Variants in SND1 observed in about 807,000 individuals in gnomAD.
SND1 encodes the protein staphylococcal nuclease domain-containing protein 1.
SND1 carries 38 observed loss-of-function variants against 121.7 expected under a neutral mutation model. The ratio of observed to expected loss-of-function variants is 0.31; its 90% CI spans 0.24 to 0.41. The LOEUF (loss-of-function observed/expected upper bound fraction) is 0.41, where lower values mean the gene tolerates loss of function less well. SND1 is among the 10% of genes least tolerant of loss of function. SND1 has a pLI of 1.00. For synonymous variants in SND1, 401 were observed against 447.4 expected, an observed-to-expected ratio of 0.90 and a Z score of 1.31; for missense variants, 868 against 1,184.6, an observed-to-expected ratio of 0.73 and a Z score of 3.92.
intron 16 of SND1, among the ~76,000 whole-genome samples, chr7:128,053,762 G>A (rs895896528): frequency 6.6e-6 from 1 of 152,032 alleles, no homozygotes; most frequent in African/African-American, 2.4e-5. Context: ...TCCTCAAAGG[G>A]CCTTTCAGAC....
chr7:127,981,991 A>G (rs1239993247), intron 15 of SND1, among the ~76,000 whole-genome samples: 1 of 152,210 alleles, frequency 6.6e-6, no homozygotes, highest in African/African-American at 2.4e-5. Flanking sequence ...GCATTCATGT[A>G]GCAAACTGAA....
At chr7:127,914,205 C>T (rs1800519453) in intron 14 of SND1, among the ~76,000 whole-genome samples, 1 of 152,232 alleles carries the variant, frequency 6.6e-6, no homozygotes, top group South Asian at 2.1e-4. Context: ...CCAGATACTT[C>T]ACCCGCAGTA....
In SND1 at chr7:127,783,056, T is replaced by C. The variant is rs182464457; in HGVS notation, c.1153-24428T>C. Among the ~76,000 whole-genome samples the C allele has an allele frequency of 2.7e-4, 41 of 152,316 alleles. 2 individuals carry two copies. Among genetic ancestry groups the C allele is most frequent in the African/African-American group, 9.6e-4 (40 of 41,574 alleles). ...ATGGTAAGATTCTGCACATTGGAAA[T>C]TGGGGACAGATATCAATTCTGGATA... On this transcript the variant is annotated intron_variant, in intron 10 of 23. Coordinates refer to ENST00000354725, the MANE Select transcript of SND1 (RefSeq NM_014390.4).
rs1254304669 is a variant in SND1 at position 128,029,158 on chromosome 7, T to C, written c.1779+38102T>C. The C allele has an allele frequency of 3.7e-6, 6 of 1,613,994 alleles. No homozygotes were observed. In the African/African-American group the frequency reaches 8.0e-5, roughly 22 times the overall value. ...TGCTTGGGCACACGGGTAGTCTGAATGAGCACCGTGGTAGAGGTGGTATAT... is the reference window on the plus strand; with the variant it reads ...TGCTTGGGCACACGGGTAGTCTGAACGAGCACCGTGGTAGAGGTGGTATAT... On this transcript the variant is annotated intron_variant, in intron 16 of 23. Transcript: ENST00000354725. This position sits in a 1 kb window ranked among gnomAD's most constrained non-coding sequence, Gnocchi z 4.2.
chr7:127,989,724 A>T (rs533389796), intron 15 of SND1, among the ~76,000 whole-genome samples: 2 of 152,288 alleles, frequency 1.3e-5, no homozygotes, highest in African/African-American at 2.4e-5. Context: ...CCAGATCTTC[A>T]TCATTTTCGT....
At chr7:127,688,560 A>G (rs1012052492) in intron 2 of SND1, among the ~76,000 whole-genome samples, 2 of 151,456 alleles carry the variant, frequency 1.3e-5, no homozygotes, top group African/African-American at 4.8e-5. Flanking sequence ...AAAAAAAAAA[A>G]AAAAAGAAAA....
intron 11 of SND1, among the ~76,000 whole-genome samples, chr7:127,825,532 C>T (rs916331990): frequency 2.0e-5 from 3 of 151,920 alleles, no homozygotes; most frequent in Non-Finnish European, 4.4e-5. Flanking sequence ...CTCAACCTCC[C>T]GAGTAGCTGG....
intron 15 of SND1, among the ~76,000 whole-genome samples, chr7:127,961,646 C>G (rs1384743651): frequency 6.6e-6 from 1 of 152,210 alleles, no homozygotes; most frequent in African/African-American, 2.4e-5. Flanking sequence ...CCGTCATCAG[C>G]TTCTGTTTGT....
chr7:127,765,317 G>A lies in SND1; in HGVS notation c.1153-42167G>A, dbSNP rs750688460. Among the ~76,000 whole-genome samples, 70 of 152,160 alleles carry A rather than the reference G, an allele frequency of 4.6e-4. 1 individual carries two copies. The highest frequency in any genetic ancestry group is 8.5e-4 in the Admixed American group (13 of 15,282). On this transcript the variant is annotated intron_variant, in intron 10 of 23. Transcript: ENST00000354725. ...CATTTAAAAAAAATGAACCTGGCTG[G>A]TTTTGACTATTTGTGGTGATATGTT...
chr7:127,814,327 T>C (rs1292983950), intron 11 of SND1, among the ~76,000 whole-genome samples: 1 of 152,124 alleles, frequency 6.6e-6, no homozygotes, highest in Non-Finnish European at 1.5e-5. Flanking sequence ...TTTCCCACTT[T>C]AAAAATAACC....
intron 10 of SND1, among the ~76,000 whole-genome samples, chr7:127,793,074 T>C (rs2116545280): frequency 2.0e-5 from 3 of 152,334 alleles, no homozygotes; most frequent in Admixed American, 2.0e-4. Context: ...GCATAACTAC[T>C]AGATCCAACT....
At chr7:127,684,016 G>C (rs2116298775) in intron 1 of SND1, among the ~76,000 whole-genome samples, 1 of 152,340 alleles carries the variant, frequency 6.6e-6, no homozygotes, top group Middle Eastern at 3.4e-3. Flanking sequence ...CAGGATAATA[G>C]TTGTAGATCC....
chr7:127,690,568 G>A (rs1239484071), intron 2 of SND1, among the ~76,000 whole-genome samples: 1 of 152,180 alleles, frequency 6.6e-6, no homozygotes, highest in African/African-American at 2.4e-5. Context: ...ATGTTTACAC[G>A]TTTATATATC....
intron 16 of SND1, among the ~76,000 whole-genome samples, chr7:128,031,792 C>T (rs1792616585): frequency 7.0e-6 from 1 of 143,376 alleles, no homozygotes; most frequent in East Asian, 2.0e-4. Flanking sequence ...CCGCCCGCCG[C>T]TGCCCGGCCC....
chr7:127,733,926 T>C (rs1796726191), intron 10 of SND1, among the ~76,000 whole-genome samples: 1 of 152,120 alleles, frequency 6.6e-6, no homozygotes, highest in South Asian at 2.1e-4. Context: ...GATCAGTTTT[T>C]CTTAAGATGT....
At chr7:128,047,212 A>C (rs530568378) in intron 16 of SND1, among the ~76,000 whole-genome samples, 1 of 152,222 alleles carries the variant, frequency 6.6e-6, no homozygotes, top group African/African-American at 2.4e-5. Flanking sequence ...AGAAAAAAGG[A>C]TGGGCACCTG....
chr7:127,826,011 G>A (rs1023278212), intron 11 of SND1, among the ~76,000 whole-genome samples: 4 of 151,964 alleles, frequency 2.6e-5, no homozygotes, highest in Non-Finnish European at 4.4e-5. Context: ...CCAACATGGC[G>A]AAACCCCCAT....
chr7:127,969,776 A>G (rs1801941118), intron 15 of SND1, among the ~76,000 whole-genome samples: 1 of 152,180 alleles, frequency 6.6e-6, no homozygotes, highest in Non-Finnish European at 1.5e-5. Flanking sequence ...ATTCAGTGAT[A>G]TATTCCTTTT....
chr7:128,030,812 C>G (rs1031202404), intron 16 of SND1: 7 of 795,440 alleles, frequency 8.8e-6, no homozygotes, highest in Non-Finnish European at 1.3e-5. Flanking sequence ...CTGCCAAACT[C>G]GAGCGGCCCC....
Sources: gnomAD v4.1 joint callset for allele counts (sites outside exome capture counted in the v4.1 genomes callset) on GRCh38, gnomAD v4.1.1 for gene constraint, Gnocchi (gnomAD v3.1) non-coding constraint, MANE v1.5 for transcripts, NCBI Gene and HGNC (gene_info 2026-07-23, HGNC 2026-07-21) for gene names.